PACRG: variants seen among roughly 807,000 people sequenced by gnomAD.
PACRG encodes parkin coregulated gene protein.
A neutral mutation model predicts 29.7 loss-of-function variants in PACRG; 29 were observed. The observed-to-expected ratio is 0.98, with a 90% confidence interval of 0.73 to 1.33. PACRG has a LOEUF of 1.33. Ranked by LOEUF, PACRG falls within the 40% of genes most tolerant of loss-of-function variation. PACRG has a pLI of 0.00. For synonymous variants in PACRG, 116 were observed against 118.7 expected, an observed-to-expected ratio of 0.98 and a Z score of 0.15; for missense variants, 279 against 316.2, an observed-to-expected ratio of 0.88 and a Z score of 0.89.
intron 2 of PACRG, among the ~76,000 whole-genome samples, chr6:162,866,035 G>A (rs1792272006): frequency 6.6e-6 from 1 of 152,044 alleles, no homozygotes; most frequent in Admixed American, 6.6e-5. Context: ...TTGCTGGGGT[G>A]AAAAAATAAG....
At chr6:162,769,637 G>C (rs1157309108) in intron 1 of PACRG, among the ~76,000 whole-genome samples, 2 of 151,874 alleles carry the variant, frequency 1.3e-5, no homozygotes, top group Admixed American at 1.3e-4. Context: ...ACAAATGTTG[G>C]TATAATATAA....
chr6:163,004,609 G>A (rs1804872426), intron 2 of PACRG, among the ~76,000 whole-genome samples: 3 of 151,730 alleles, frequency 2.0e-5, no homozygotes, highest in Admixed American at 2.0e-4. Context: ...CCCTTGACAT[G>A]TGGGGATTAT....
intron 4 of PACRG, among the ~76,000 whole-genome samples, chr6:163,291,263 ACCCC>A (rs1562362225): frequency 1.8e-5 from 2 of 113,880 alleles, no homozygotes; most frequent in African/African-American, 8.8e-5. Context: ...CTGCAAGATG[ACCCC>A]TCTGCCCGCC....
At chr6:162,917,781 C>A (rs1001268438) in intron 2 of PACRG, among the ~76,000 whole-genome samples, 1 of 152,122 alleles carries the variant, frequency 6.6e-6, no homozygotes, top group Non-Finnish European at 1.5e-5. Flanking sequence ...GGCCTAACCT[C>A]TCTCTCTCAC....
chr6:162,904,387 A>G (rs897900957), intron 2 of PACRG, among the ~76,000 whole-genome samples: 2 of 152,172 alleles, frequency 1.3e-5, no homozygotes, highest in East Asian at 1.9e-4. Flanking sequence ...ATTTTCTCTC[A>G]AGTCGGGGAA....
intron 3 of PACRG, among the ~76,000 whole-genome samples, chr6:163,064,775 TATAA>T (rs1811393023): frequency 1.3e-5 from 2 of 152,086 alleles, no homozygotes; most frequent in African/African-American, 4.8e-5. Context: ...CCATACCCAG[TATAA>T]TTTTGACTCT....
intron 2 of PACRG, among the ~76,000 whole-genome samples, chr6:162,821,297 G>C (rs1471134002): frequency 6.6e-6 from 1 of 152,026 alleles, no homozygotes; most frequent in Non-Finnish European, 1.5e-5. Flanking sequence ...CCATCTCATC[G>C]AGCTTGAAAG....
At chr6:162,998,799 C>A (rs1464373174) in intron 2 of PACRG, among the ~76,000 whole-genome samples, 1 of 152,130 alleles carries the variant, frequency 6.6e-6, no homozygotes, top group Non-Finnish European at 1.5e-5. Flanking sequence ...TTATATGATA[C>A]CAAATGTCAT....
chr6:162,910,220 T>C (rs1042193089), intron 2 of PACRG, among the ~76,000 whole-genome samples: 8 of 152,236 alleles, frequency 5.3e-5, no homozygotes, highest in African/African-American at 1.9e-4. Flanking sequence ...AGACTCAGAA[T>C]GCTTAAATAA....
intron 4 of PACRG, among the ~76,000 whole-genome samples, chr6:163,276,856 G>C (rs1301742639): frequency 1.3e-5 from 2 of 152,176 alleles, no homozygotes; most frequent in Non-Finnish European, 2.9e-5. Flanking sequence ...AGAACTGTGA[G>C]CAATAAATTT....
chr6:162,926,127 A>G (rs1352565435), intron 2 of PACRG, among the ~76,000 whole-genome samples: 4 of 152,148 alleles, frequency 2.6e-5, no homozygotes, highest in Non-Finnish European at 4.4e-5. Context: ...AAGGAGGACT[A>G]CAAGCCACTG....
rs548996689 is a variant in PACRG, at chr6:163,042,387, G to T, written c.292-19763G>T. On this transcript the variant is annotated intron_variant, in intron 2 of 4. Coordinates refer to ENST00000366888, the MANE Select transcript of PACRG (RefSeq NM_001080379.2). ...GAGGAGTCAGGGTTCACTGTGAGAAGAGAGACACCATTTCCACAAATTGTC... is the reference window on the plus strand; with the variant it reads ...GAGGAGTCAGGGTTCACTGTGAGAATAGAGACACCATTTCCACAAATTGTC... Among the ~76,000 whole-genome samples the T allele has an allele frequency of 2.0e-5, 3 of 152,328 alleles. No individual in the cohort carries two copies. In the South Asian group the frequency reaches 6.2e-4, roughly 32 times the overall value.
At chr6:162,950,507 CAATAAATA>C (rs68020295) in intron 2 of PACRG, among the ~76,000 whole-genome samples, 5 of 58,552 alleles carry the variant, frequency 8.5e-5, no homozygotes, top group Non-Finnish European at 3.2e-4. Context: ...GACTCCATCT[CAATAAATA>C]AATAAATAAA....
At chr6:163,046,619 A>G (rs1051402355) in intron 2 of PACRG, 22 of 152,010 alleles carry the variant, frequency 1.4e-4, no homozygotes, top group Admixed American at 1.4e-3. Context: ...GCCTGATTCC[A>G]CACCCAGGCT....
intron 2 of PACRG, among the ~76,000 whole-genome samples, chr6:162,841,691 G>A (rs1373013186): frequency 4.1e-5 from 6 of 147,614 alleles, no homozygotes; most frequent in Non-Finnish European, 9.0e-5. Flanking sequence ...TGATGTTAGG[G>A]TGTCAATTTT....
chr6:162,888,423 C>T (rs1367155641), intron 2 of PACRG, among the ~76,000 whole-genome samples: 2 of 152,150 alleles, frequency 1.3e-5, no homozygotes, highest in Non-Finnish European at 2.9e-5. Context: ...CGCTGGGCTG[C>T]TGCTGGGGCT....
chr6:162,765,723 G>T (rs1417396855), intron 1 of PACRG, among the ~76,000 whole-genome samples: 1 of 151,998 alleles, frequency 6.6e-6, no homozygotes, highest in African/African-American at 2.4e-5. Context: ...CATTTCTTTA[G>T]ATAAACATGT....
rs949584217 is a variant in PACRG, at chr6:162,992,991, G to A, written c.292-69159G>A. On this transcript the variant is annotated intron_variant, in intron 2 of 4. Coordinates refer to ENST00000366888, the MANE Select transcript of PACRG (RefSeq NM_001080379.2). Reference sequence around the variant, plus strand: ...ACATCTTTATTTCTGCCTTCATTTCGTTATGTACCCAGTAGTCATTCAGGA... The same window carrying A: ...ACATCTTTATTTCTGCCTTCATTTCATTATGTACCCAGTAGTCATTCAGGA... 3.1e-4 allele frequency among the ~76,000 whole-genome samples: 46 copies of A among 149,928 alleles called. 1 individual carries two copies. The highest frequency in any genetic ancestry group is 3.5e-3 in the Middle Eastern group (1 of 288).
At chr6:163,259,594 A>G (rs1385629772) in intron 4 of PACRG, among the ~76,000 whole-genome samples, 1 of 152,194 alleles carries the variant, frequency 6.6e-6, no homozygotes, top group East Asian at 1.9e-4. Context: ...TCATTTGGGC[A>G]TCACTTCAGC....
Sources: gnomAD v4.1 joint callset for allele counts (sites outside exome capture counted in the v4.1 genomes callset) on GRCh38, gnomAD v4.1.1 for gene constraint, MANE v1.5 for transcripts, NCBI Gene and HGNC (gene_info 2026-07-23, HGNC 2026-07-21) for gene names.